The following AFG2A variants were observed in gnomAD, a reference collection of about 807,000 sequenced individuals.
The protein encoded by AFG2A is ATPase family gene 2 protein homolog A.
the AFG2A span, among the ~76,000 whole-genome samples, chr4:122,959,143 T>C: frequency 6.6e-6 from 1 of 152,184 alleles, no homozygotes; most frequent in Non-Finnish European, 1.5e-5. Context: ...GAATCACTGA[T>C]CTAGGGCAAC....
At chr4:123,086,997 T>A in the AFG2A span, among the ~76,000 whole-genome samples, 1 of 152,224 alleles carries the variant, frequency 6.6e-6, no homozygotes. Context: ...CCTTAACATA[T>A]TAATCATAGT....
chr4:123,258,740 G>A, the AFG2A span, among the ~76,000 whole-genome samples: 3 of 151,946 alleles, frequency 2.0e-5, no homozygotes, highest in South Asian at 2.1e-4. Context: ...AGCCAGAGAC[G>A]AGGAATTTCC....
chr4:123,301,735 C>T, the AFG2A span, among the ~76,000 whole-genome samples: 2 of 152,120 alleles, frequency 1.3e-5, no homozygotes, highest in Non-Finnish European at 2.9e-5. Context: ...CATTTTTTCC[C>T]CCTGTTTAAC....
chr4:123,136,404 C>A, the AFG2A span, among the ~76,000 whole-genome samples: 1 of 151,472 alleles, frequency 6.6e-6, no homozygotes, highest in Non-Finnish European at 1.5e-5. Flanking sequence ...TGCGGTGGCT[C>A]ACCCCTATAA....
chr4:123,088,361 T>A, the AFG2A span, among the ~76,000 whole-genome samples: 2 of 152,134 alleles, frequency 1.3e-5, no homozygotes, highest in Non-Finnish European at 2.9e-5. Flanking sequence ...ATTAGCAGAG[T>A]AGATACAATT....
the AFG2A span, among the ~76,000 whole-genome samples, chr4:123,084,042 G>A: frequency 6.6e-6 from 1 of 152,076 alleles, no homozygotes; most frequent in Non-Finnish European, 1.5e-5. Flanking sequence ...TTGGCAGATT[G>A]AAGTTTTTAA....
At chr4:123,251,672 T>A in the AFG2A span, among the ~76,000 whole-genome samples, 1 of 152,162 alleles carries the variant, frequency 6.6e-6, no homozygotes. Flanking sequence ...TTCAATTTTT[T>A]AAATATGTAT....
the AFG2A span, among the ~76,000 whole-genome samples, chr4:123,015,863 ACC>A: frequency 7.2e-5 from 1 of 13,806 alleles, no homozygotes; most frequent in Non-Finnish European, 3.6e-4. Flanking sequence ...CGGGGGGCTG[ACC>A]CCCCCACCTC....
chr4:123,015,634 T>G, the AFG2A span, among the ~76,000 whole-genome samples: 5 of 151,198 alleles, frequency 3.3e-5, no homozygotes, highest in Admixed American at 1.3e-4. Context: ...TTTCCCCGCC[T>G]TTCTCCCCTT....
At chr4:123,142,861 C>T in the AFG2A span, among the ~76,000 whole-genome samples, 12 of 151,976 alleles carry the variant, frequency 7.9e-5, no homozygotes, top group Admixed American at 2.6e-4. Flanking sequence ...ATAATTTATA[C>T]GAATCATTTG....
chr4:123,295,952 A>G, the AFG2A span, among the ~76,000 whole-genome samples: 4 of 152,200 alleles, frequency 2.6e-5, no homozygotes, highest in Non-Finnish European at 4.4e-5. Flanking sequence ...CGTGAATACT[A>G]TGCTAACATT....
At chr4:123,253,758 G>T in the AFG2A span, among the ~76,000 whole-genome samples, 1 of 152,184 alleles carries the variant, frequency 6.6e-6, no homozygotes, top group African/African-American at 2.4e-5. Flanking sequence ...TTGTTATGAT[G>T]TGGTGGGTTT....
At chr4:123,120,504 G>C in the AFG2A span, among the ~76,000 whole-genome samples, 1 of 152,146 alleles carries the variant, frequency 6.6e-6, no homozygotes, top group Non-Finnish European at 1.5e-5. Context: ...TCATCTATGT[G>C]CCCTTCTGGC....
At chr4:123,166,687 C>T in the AFG2A span, among the ~76,000 whole-genome samples, 1 of 152,158 alleles carries the variant, frequency 6.6e-6, no homozygotes, top group African/African-American at 2.4e-5. Flanking sequence ...AGCAGACTTT[C>T]CTCACCTAGT....
chr4:123,304,243 C>G, the AFG2A span, among the ~76,000 whole-genome samples: 9 of 152,266 alleles, frequency 5.9e-5, no homozygotes, highest in African/African-American at 1.9e-4. Context: ...TCAGTCACAT[C>G]TTTCATGCCT....
chr4:122,945,046 A>G, the AFG2A span, among the ~76,000 whole-genome samples: 22 of 152,236 alleles, frequency 1.4e-4, no homozygotes, highest in African/African-American at 3.9e-4. Context: ...GTCTGCCCCT[A>G]CTGGGGGTGC....
At chr4:123,050,957 T>A in the AFG2A span, among the ~76,000 whole-genome samples, 2 of 152,088 alleles carry the variant, frequency 1.3e-5, no homozygotes, top group African/African-American at 4.8e-5. Flanking sequence ...GTCAGGTTGG[T>A]CTCAAACTCC....
At chr4:123,207,692 C>G in the AFG2A span, among the ~76,000 whole-genome samples, 1 of 152,050 alleles carries the variant, frequency 6.6e-6, no homozygotes, top group East Asian at 1.9e-4. Context: ...ACACTGTCAT[C>G]CAGAAGAATA....
the AFG2A span, among the ~76,000 whole-genome samples, chr4:123,255,250 G>A: frequency 4.0e-5 from 6 of 151,896 alleles, no homozygotes; most frequent in East Asian, 1.9e-4. Flanking sequence ...GCCGGGCACC[G>A]TGGCTCACGC....
Sources: allele counts gnomAD v4.1 joint callset (sites outside exome capture counted in the v4.1 genomes callset), GRCh38; gene constraint gnomAD v4.1.1; transcripts MANE v1.5; gene names NCBI Gene and HGNC (gene_info 2026-07-23, HGNC 2026-07-21).